The following NXPE2 variants were observed in gnomAD, a reference collection of about 807,000 sequenced individuals.
NXPE2 encodes the protein neurexophilin and PC-esterase domain family member 2.
In NXPE2, 34 loss-of-function variants were observed where a neutral mutation model predicts 34.4. That is an observed-to-expected ratio of 0.99 (90% CI 0.75 to 1.31). NXPE2 has a LOEUF of 1.31. Among genes scored for constraint, NXPE2 ranks in the 40% most tolerant of loss-of-function variants. NXPE2 has a pLI of 0.00. For missense variants in NXPE2, 649 were observed against 672.5 expected, an observed-to-expected ratio of 0.97 and a Z score of 0.39; for synonymous variants, 235 against 231.3, an observed-to-expected ratio of 1.02 and a Z score of -0.15.
the NXPE2 span, among the ~76,000 whole-genome samples, chr11:114,784,680 A>G: frequency 3.3e-5 from 5 of 152,158 alleles, no homozygotes; most frequent in Non-Finnish European, 7.3e-5. Context: ...AAGGGGGGAA[A>G]AAAAGCTCTC....
chr11:114,706,677 T>G lies in NXPE2; in HGVS notation c.1427T>G (p.Leu476Arg). The change falls in exon 6 of 6, where the codon CTA becomes CGA. Residue 476 changes from leucine to arginine, a missense_variant. By Grantham distance (102) the Leu-to-Arg change is moderately radical (BLOSUM62 -2). Coordinates refer to ENST00000389586, the MANE Select transcript of NXPE2 (RefSeq NM_182495.6). ...AATATTCAAAAGGCCATTGAACGTC[T>G]ATTCTTGCGAAGCCCGGAGACCAAG... Reference protein sequence around the residue: ...AINIQKAIERLFLRSPETKVI... With the variant: ...AINIQKAIERRFLRSPETKVI... The G allele has an allele frequency of 6.4e-7, 1 of 1,552,082 alleles. No homozygotes were observed. Among genetic ancestry groups the G allele is most frequent in the African/African-American group, 1.4e-5 (1 of 73,162 alleles).
chr11:114,755,552 A>T, the NXPE2 span, among the ~76,000 whole-genome samples: 49 of 152,326 alleles, frequency 3.2e-4, no homozygotes, highest in Non-Finnish European at 6.9e-4. Flanking sequence ...TGGGAAAACC[A>T]CACACCATTC....
chr11:114,655,644 G>A, the NXPE2 span, among the ~76,000 whole-genome samples: 5 of 152,070 alleles, frequency 3.3e-5, no homozygotes, highest in Non-Finnish European at 7.4e-5. Flanking sequence ...TAGATGTGTG[G>A]TATTATTTCT....
rs184364159 is a variant in NXPE2 at position 114,678,653 on chromosome 11, G to A, written c.26+52G>A. On this transcript the variant is annotated intron_variant, in intron 1 of 5. Coordinates refer to ENST00000389586, the MANE Select transcript of NXPE2 (RefSeq NM_182495.6). ...CAAGCTAACGTCAGGGAAGGGAGGG[G>A]AGAACTATAGACCATTTGGTGTTTT... 2.4e-4 allele frequency: 332 copies of A among 1,379,410 alleles called. No homozygotes were observed. In the African/African-American group the frequency reaches 4.2e-3, roughly 17 times the overall value. The allele number at this position is 1,379,410 out of a possible 1,614,324, so 85.4% of individuals were successfully genotyped here.
the NXPE2 span, among the ~76,000 whole-genome samples, chr11:114,717,354 C>T: frequency 1.3e-4 from 20 of 152,140 alleles, no homozygotes; most frequent in African/African-American, 4.8e-4. Context: ...CCTTCCATGG[C>T]TGATTTTAAG....
At chr11:114,494,027 C>T in the NXPE2 span, among the ~76,000 whole-genome samples, 2 of 152,142 alleles carry the variant, frequency 1.3e-5, no homozygotes, top group African/African-American at 4.8e-5. Context: ...ATGCCACTCA[C>T]TCTTGGCCTG....
chr11:114,712,881 G>A, the NXPE2 span, among the ~76,000 whole-genome samples: 3 of 152,096 alleles, frequency 2.0e-5, no homozygotes, highest in African/African-American at 7.2e-5. Flanking sequence ...CACCTCAAAT[G>A]TCCATCAACA....
chr11:114,546,471 CT>C, the NXPE2 span, among the ~76,000 whole-genome samples: 53,655 of 145,714 alleles, frequency 0.37, 9,840 homozygotes, highest in East Asian at 0.66. Context: ...TTTTCTTTTT[CT>C]TTTTTTTTTT....
chr11:114,551,166 C>A, the NXPE2 span: 1 of 1,535,234 alleles, frequency 6.5e-7, no homozygotes, highest in Non-Finnish European at 8.7e-7. Flanking sequence ...AGATCAAGAT[C>A]AGCAGCGTTT....
chr11:114,779,851 G>A, the NXPE2 span, among the ~76,000 whole-genome samples: 1 of 151,870 alleles, frequency 6.6e-6, no homozygotes, highest in Admixed American at 6.6e-5. Context: ...TTCCTGTCTC[G>A]AACCCCTCCA....
chr11:114,662,150 A>C, the NXPE2 span, among the ~76,000 whole-genome samples: 1 of 152,186 alleles, frequency 6.6e-6, no homozygotes, highest in South Asian at 2.1e-4. Flanking sequence ...AGGAAAAAGC[A>C]ATCTTGAATT....
At chr11:114,661,850 A>G in the NXPE2 span, among the ~76,000 whole-genome samples, 2 of 152,206 alleles carry the variant, frequency 1.3e-5, no homozygotes, top group Non-Finnish European at 1.5e-5. Flanking sequence ...AAAAAAATTA[A>G]GATTCTCTGT....
chr11:114,752,228 A>C, the NXPE2 span, among the ~76,000 whole-genome samples: 3 of 152,260 alleles, frequency 2.0e-5, no homozygotes, highest in African/African-American at 7.2e-5. Flanking sequence ...TGTTTGTCAC[A>C]TACAAGGAAC....
the NXPE2 span, among the ~76,000 whole-genome samples, chr11:114,592,290 A>C: frequency 6.6e-6 from 1 of 152,296 alleles, no homozygotes; most frequent in South Asian, 2.1e-4. Context: ...ACTTCAGTGA[A>C]AAACTGTCAG....
At chr11:114,548,528 T>C in the NXPE2 span, among the ~76,000 whole-genome samples, 1 of 152,092 alleles carries the variant, frequency 6.6e-6, no homozygotes, top group Non-Finnish European at 1.5e-5. Context: ...CCAAATACCA[T>C]TCCACTCAGA....
At chr11:114,516,950 T>C in the NXPE2 span, among the ~76,000 whole-genome samples, 5 of 152,168 alleles carry the variant, frequency 3.3e-5, no homozygotes, top group Non-Finnish European at 7.3e-5. Context: ...ATAGTGGGCA[T>C]CATGCAGTAT....
chr11:114,590,593 A>G, the NXPE2 span, among the ~76,000 whole-genome samples: 1 of 152,212 alleles, frequency 6.6e-6, no homozygotes, highest in East Asian at 1.9e-4. Context: ...TTAAGGTACC[A>G]GCCCTCAGCC....
chr11:114,528,793 T>G, the NXPE2 span: 2 of 676,976 alleles, frequency 3.0e-6, no homozygotes, highest in Non-Finnish European at 5.4e-6. Flanking sequence ...ATATAAGTGG[T>G]ACCTGATTTC....
chr11:114,783,995 A>G, the NXPE2 span, among the ~76,000 whole-genome samples: 1 of 152,228 alleles, frequency 6.6e-6, no homozygotes, highest in Admixed American at 6.5e-5. Context: ...AAGGAGAGGG[A>G]GCTATGATTA....
Sources: allele counts gnomAD v4.1 joint callset (sites outside exome capture counted in the v4.1 genomes callset), GRCh38; gene constraint gnomAD v4.1.1; transcripts MANE v1.5; gene names NCBI Gene and HGNC (gene_info 2026-07-23, HGNC 2026-07-21).